NXN: variants seen among roughly 807,000 people sequenced by gnomAD.
NXN encodes the protein nucleoredoxin.
A neutral mutation model predicts 48.6 loss-of-function variants in NXN; 16 were observed. The ratio of observed to expected loss-of-function variants is 0.33; its 90% CI spans 0.22 to 0.50. The LOEUF is 0.50. NXN is among the 20% of genes least tolerant of loss of function. The pLI is 0.98. For synonymous variants in NXN, 281 were observed against 269.6 expected (o/e 1.04, Z -0.41); for missense variants, 492 against 605.5 (o/e 0.81, Z 1.97).
At chr17:864,368 G>A (rs1017773423) in intron 1 of NXN, among the ~76,000 whole-genome samples, 3 of 152,234 alleles carry the variant, frequency 2.0e-5, no homozygotes, top group Non-Finnish European at 4.4e-5. Flanking sequence ...CCAAAACGTA[G>A]GGGAGTGCTA....
chr17:979,122 A>G (rs553958818), intron 1 of NXN, among the ~76,000 whole-genome samples, 197 bp downstream of exon 1: 1 of 76,256 alleles, frequency 1.3e-5, no homozygotes, highest in Non-Finnish European at 2.5e-5. Flanking sequence ...GGGGGGGCAG[A>G]GGCGGGGACG....
rs772127827 is a variant in NXN at position 823,709 on chromosome 17, G to C, written c.535C>G (p.Leu179Val). The C allele has an allele frequency of 3.1e-6, 5 of 1,614,094 alleles. No individual in the cohort carries two copies. The South Asian group carries it at 5.5e-5, about 18-fold the overall frequency. Residue 179 changes from leucine (L) to valine (V), a missense_variant, in exon 3 of 8, where the codon CTT becomes GTT. Around this residue, in one of 3 missense-constraint regions of NXN, gnomAD observed 303 missense variants for 388.3 expected, o/e 0.78. Transcript: ENST00000336868. ...PFREVIAGPL[L>V]RNNGQSLESS... ...TCCAGAGACTGCCCATTGTTTCTAAGCAAGGGCCCTGCAATGACTTCCCTG... is the reference window on the plus strand; with the variant it reads ...TCCAGAGACTGCCCATTGTTTCTAACCAAGGGCCCTGCAATGACTTCCCTG...
chr17:824,208 GT>G (rs1020229140), intron 2 of NXN, among the ~76,000 whole-genome samples: 5 of 151,278 alleles, frequency 3.3e-5, no homozygotes, highest in East Asian at 1.9e-4. Context: ...CCCGGCTAAT[GT>G]TTTTTTTCTA....
rs546632220 is a variant in NXN, at chr17:919,748, A to C, written c.360+59571T>G. Among the ~76,000 whole-genome samples, 1 of 152,258 alleles carries C rather than the reference A, an allele frequency of 6.6e-6. No homozygotes were observed. Among genetic ancestry groups the C allele is most frequent in the Non-Finnish European group, 1.5e-5 (1 of 68,020 alleles). ...AAATAATATTGGAACGCAGTCCAGA[A>C]AATACAACTAGGGGCAGAGCGGTCC... On this transcript the variant is annotated intron_variant, in intron 1 of 7. Coordinates refer to ENST00000336868, the MANE Select transcript of NXN (RefSeq NM_022463.5). The surrounding 1 kb of genome is among the most constrained non-coding windows in gnomAD (Gnocchi z 5.1).
intron 1 of NXN, among the ~76,000 whole-genome samples, chr17:844,921 C>T (rs1368978888): frequency 2.6e-5 from 4 of 152,036 alleles, no homozygotes; most frequent in Non-Finnish European, 5.9e-5. Flanking sequence ...TGCCAAGATG[C>T]CTGAAAACAG....
chr17:891,920 C>T (rs78684531), intron 1 of NXN, among the ~76,000 whole-genome samples: 4 of 130,186 alleles, frequency 3.1e-5, no homozygotes, highest in Admixed American at 2.3e-4. Flanking sequence ...CTAACCCCAC[C>T]ATGCACAACC....
At chr17:847,468 G>C (rs562098233) in intron 1 of NXN, among the ~76,000 whole-genome samples, 1 of 152,136 alleles carries the variant, frequency 6.6e-6, no homozygotes, top group African/African-American at 2.4e-5. Context: ...GCACGTGAAG[G>C]CTTTCTCTAA....
intron 1 of NXN, among the ~76,000 whole-genome samples, chr17:895,556 T>C (rs1275046736): frequency 1.3e-5 from 2 of 151,484 alleles, no homozygotes; most frequent in African/African-American, 4.8e-5. Flanking sequence ...CTCACGCCTC[T>C]AATCCCAGCA....
chr17:897,090 A>G, intron 1 of NXN: 1 of 1,031,560 alleles, frequency 9.7e-7, no homozygotes, highest in Non-Finnish European at 1.2e-6. Flanking sequence ...CTGGTAACCC[A>G]CGGCCACCGC....
intron 1 of NXN, among the ~76,000 whole-genome samples, chr17:899,601 T>TA (rs1237221647): frequency 6.6e-6 from 1 of 152,148 alleles, no homozygotes; most frequent in African/African-American, 2.4e-5. Flanking sequence ...CGCTGAGCCT[T>TA]AAAAAACAAA....
intron 5 of NXN, among the ~76,000 whole-genome samples, chr17:810,487 T>C (rs1911920633): frequency 6.6e-6 from 1 of 152,152 alleles, no homozygotes; most frequent in African/African-American, 2.4e-5. Flanking sequence ...TGAAAGGCCG[T>C]GGGGGTGAGA....
Position 829,140 on chromosome 17 carries a change from CTTTT to C in NXN, c.361-3066_361-3063del, listed in dbSNP as rs762247640. Reference sequence around the variant, plus strand: ...TGACAAGTCATTTTTGTTGCTTATCCTTTTTTTTTTTTTTAGGGGGGCGGGGTGG... The same window carrying C: ...TGACAAGTCATTTTTGTTGCTTATCCTTTTTTTTTTAGGGGGGCGGGGTGG... On this transcript the variant is annotated intron_variant, in intron 1 of 7. Coordinates refer to ENST00000336868, the MANE Select transcript of NXN (RefSeq NM_022463.5). 3.6e-4 allele frequency among the ~76,000 whole-genome samples: 46 copies of C among 128,972 alleles called. No individual in the cohort carries two copies. In the East Asian group the frequency reaches 0.01, roughly 28 times the overall value. 84.6% of individuals were successfully genotyped at this position (128,972 alleles called of 152,430 possible). A position where few individuals can be genotyped will look rare whatever the true frequency, so the allele number is the denominator to read the frequency against.
At chr17:928,929 G>A (rs949235332) in intron 1 of NXN, among the ~76,000 whole-genome samples, 4 of 152,180 alleles carry the variant, frequency 2.6e-5, no homozygotes, top group Admixed American at 6.6e-5. Flanking sequence ...GCCTAAACGC[G>A]TAATCAGCTG....
At chr17:923,856 G>C (rs2068771377) in intron 1 of NXN, among the ~76,000 whole-genome samples, 1 of 152,080 alleles carries the variant, frequency 6.6e-6, no homozygotes, top group Admixed American at 6.6e-5. Flanking sequence ...TGAAACACTT[G>C]GTAATATTTG....
At chr17:939,344 C>CTTTT (rs34838555) in intron 1 of NXN, among the ~76,000 whole-genome samples, 1 of 127,958 alleles carries the variant, frequency 7.8e-6, no homozygotes, top group Non-Finnish European at 1.6e-5. Flanking sequence ...TAGAAATCAG[C>CTTTT]TTTTTTTTTT....
At chr17:808,007 T>C (rs1911671328) in intron 5 of NXN, among the ~76,000 whole-genome samples, 1 of 152,084 alleles carries the variant, frequency 6.6e-6, no homozygotes. Flanking sequence ...GTGGTTACAG[T>C]AGGGATGGGG....
intron 1 of NXN, among the ~76,000 whole-genome samples, chr17:962,942 G>A (rs964126653): frequency 2.0e-5 from 3 of 152,104 alleles, no homozygotes; most frequent in African/African-American, 4.8e-5. Context: ...GCCTCCTTTC[G>A]CCTGTTGTAC....
At chr17:826,322 G>A (rs962367238) in intron 1 of NXN, among the ~76,000 whole-genome samples, 4 of 152,006 alleles carry the variant, frequency 2.6e-5, no homozygotes, top group East Asian at 3.9e-4. Context: ...ACTGCCCCCC[G>A]GGGTCTGCGA....
chr17:969,790 T>G (rs2069351720), intron 1 of NXN, among the ~76,000 whole-genome samples: 1 of 151,820 alleles, frequency 6.6e-6, no homozygotes, highest in African/African-American at 2.4e-5. Flanking sequence ...AAAAAAAATG[T>G]GGAACTGATG....
Sources: gnomAD v4.1 joint callset for allele counts (sites outside exome capture counted in the v4.1 genomes callset) on GRCh38, gnomAD v4.1.1 for gene constraint, gnomAD v4.1.1 regional missense constraint, Gnocchi (gnomAD v3.1) non-coding constraint, MANE v1.5 for transcripts, NCBI Gene and HGNC (gene_info 2026-07-23, HGNC 2026-07-21) for gene names.